PRKACA: variants seen among roughly 807,000 people sequenced by gnomAD.
PRKACA encodes protein kinase cAMP-activated catalytic subunit alpha.
Under a neutral mutation model 45.8 loss-of-function variants are expected in PRKACA, and 9 were observed. The ratio of observed to expected loss-of-function variants is 0.20; its 90% CI spans 0.12 to 0.34. The LOEUF is 0.34. Ranked by LOEUF, PRKACA falls within the 10% of genes least tolerant of loss-of-function variation. PRKACA has a pLI of 1.00. For synonymous variants in PRKACA, 160 were observed against 178.6 expected (o/e 0.90, Z 0.83); for missense variants, 238 against 458.6 (o/e 0.52, Z 4.39).
At chr19:14,098,027 T>C in intron 5 of PRKACA, 137 bp from the exon 6 acceptor site, 1 of 1,089,164 alleles carries the variant, frequency 9.2e-7, no homozygotes, top group Non-Finnish European at 1.3e-6. Flanking sequence ...GATTCTTAGA[T>C]AGCCCGACAT....
chr19:14,103,938 G>A (rs1167688522), intron 3 of PRKACA, among the ~76,000 whole-genome samples: 2 of 152,134 alleles, frequency 1.3e-5, no homozygotes, highest in African/African-American at 4.8e-5. Flanking sequence ...AATTAGCTGG[G>A]CATGGCACGA....
At position 14,103,669 on chromosome 19, in the gene PRKACA, G is replaced by T. The variant is rs548334895; in HGVS notation, c.238-755C>A. On this transcript the variant is annotated intron_variant, in intron 3 of 9. Transcript: ENST00000308677. The stretch of plus-strand genomic sequence containing the variant: ...TCAGAGTCTATACCTGCCCTACCCA[G>T]TTCAGTCCCCATTAGCCACAGGGGG... 7.2e-5 allele frequency among the ~76,000 whole-genome samples: 11 copies of T among 152,322 alleles called. No homozygotes were observed. The South Asian group carries it at 2.3e-3, about 32-fold the overall frequency.
chr19:14,096,853 A>G (rs1977273417), intron 8 of PRKACA: 1 of 214,954 alleles, frequency 4.7e-6, no homozygotes, highest in South Asian at 6.8e-5. Flanking sequence ...GGCACTTTGC[A>G]CCTGTCATAG....
chr19:14,098,144 T>C (rs1219214006), intron 5 of PRKACA: 1 of 436,628 alleles, frequency 2.3e-6, no homozygotes, highest in African/African-American at 2.0e-5. Flanking sequence ...GGACAGCCCA[T>C]GCATCCACTC....
chr19:14,114,240 C>T, intron 1 of PRKACA: 1 of 1,554,582 alleles, frequency 6.4e-7, no homozygotes, highest in East Asian at 2.4e-5. Flanking sequence ...CTGTCTGTCC[C>T]CAGAACCCTG....
At chr19:14,107,939 C>A (rs367744279) in intron 1 of PRKACA, 1 of 986,926 alleles carries the variant, frequency 1.0e-6, no homozygotes, top group Non-Finnish European at 1.2e-6. Flanking sequence ...AGGGAAGTCT[C>A]GCCCGATGCC....
rs562387723 is a variant in PRKACA, at chr19:14,115,865, T to C, written c.46+1637A>G. 3.9e-5 allele frequency among the ~76,000 whole-genome samples: 6 copies of C among 151,960 alleles called. No homozygotes were observed. The South Asian group carries it at 6.2e-4, about 16-fold the overall frequency. Reference sequence around the variant, plus strand: ...CAGCTGGCCTCACCTGCTGGGGGCCTGACTCCTCCCCCCCCGGCCAAGTCC... The same window carrying C: ...CAGCTGGCCTCACCTGCTGGGGGCCCGACTCCTCCCCCCCCGGCCAAGTCC... On this transcript the variant is annotated intron_variant, in intron 1 of 9. Transcript: ENST00000308677.
At chr19:14,095,889 G>A (rs997855731) in intron 8 of PRKACA, among the ~76,000 whole-genome samples, 1 of 151,830 alleles carries the variant, frequency 6.6e-6, no homozygotes, top group Non-Finnish European at 1.5e-5. Flanking sequence ...TTAAAAGACA[G>A]GGTCTGGCTC....
chr19:14,116,665 ACC>A (rs1265218426), intron 1 of PRKACA, among the ~76,000 whole-genome samples: 1 of 151,816 alleles, frequency 6.6e-6, no homozygotes, highest in African/African-American at 2.4e-5. Flanking sequence ...CTCTGCCACC[ACC>A]CCCTTACCCC....
chr19:14,107,592 TG>T, intron 1 of PRKACA, 183 bp from the exon 2 acceptor site: 1 of 1,301,698 alleles, frequency 7.7e-7, no homozygotes, highest in South Asian at 1.5e-5. Flanking sequence ...TACAGAGAGG[TG>T]GGATCCAGCT....
chr19:14,110,545 C>A (rs1568537858), intron 1 of PRKACA, among the ~76,000 whole-genome samples: 1 of 151,734 alleles, frequency 6.6e-6, no homozygotes, highest in Non-Finnish European at 1.5e-5. Context: ...ACACTGCAGG[C>A]TGGGTGACAG....
chr19:14,101,647 G>A (rs1008377691), intron 4 of PRKACA, among the ~76,000 whole-genome samples: 26 of 152,072 alleles, frequency 1.7e-4, no homozygotes, highest in African/African-American at 6.3e-4. Flanking sequence ...GATCACCTGA[G>A]GTCAGGAGTT....
chr19:14,099,330 A>G (rs1163770014), intron 5 of PRKACA, among the ~76,000 whole-genome samples: 1 of 152,194 alleles, frequency 6.6e-6, no homozygotes, highest in Non-Finnish European at 1.5e-5. Flanking sequence ...ATGTAAACTT[A>G]TAAGTTAATA....
At chr19:14,114,088 C>T in intron 1 of PRKACA, 1 of 1,591,246 alleles carries the variant, frequency 6.3e-7, no homozygotes, top group Non-Finnish European at 8.6e-7. Flanking sequence ...ACTTAAGGGG[C>T]AGAGTGTGCC....
At position 14,097,521 on chromosome 19, in the gene PRKACA, C is replaced by T. The variant is rs372040715; in HGVS notation, c.643-38G>A. The T allele has an allele frequency of 1.5e-5, 25 of 1,613,358 alleles. No homozygotes were observed. The African/African-American group carries it at 2.5e-4, about 16-fold the overall frequency. ...GGGGGGGCACAGGGTGAGGAGGAGG[C>T]GAGAGCAGGAGAGCAGAGCCGGCCT... is the stretch of plus-strand genomic sequence containing the variant. On this transcript the variant is annotated intron_variant, in intron 7 of 9. Transcript: ENST00000308677. This position sits in a 1 kb window ranked among gnomAD's most constrained non-coding sequence, Gnocchi z 5.4.
chr19:14,107,448 G>A (rs376104542), intron 1 of PRKACA, 39 bp from the exon 2 acceptor site: 314 of 1,598,076 alleles, frequency 2.0e-4, no homozygotes, highest in Middle Eastern at 3.4e-4. Context: ...AGAGACGCCC[G>A]TCTCACCGGG....
intron 3 of PRKACA, among the ~76,000 whole-genome samples, chr19:14,104,598 A>G (rs913093795): frequency 2.7e-5 from 4 of 149,930 alleles, no homozygotes; most frequent in African/African-American, 9.8e-5. Context: ...CAGGAGGCTG[A>G]GGCAGAAGAA....
chr19:14,096,045 T>G (rs1370213030), intron 8 of PRKACA, among the ~76,000 whole-genome samples: 24 of 145,962 alleles, frequency 1.6e-4, no homozygotes, highest in Admixed American at 5.4e-4. Context: ...TTTTTTTTTT[T>G]TTTTTTTTTT....
intron 8 of PRKACA, chr19:14,096,971 T>C (rs1406304371): frequency 6.1e-5 from 20 of 328,268 alleles, no homozygotes; most frequent in South Asian, 1.5e-4. Context: ...AGGGCAATCC[T>C]GGGTGAGGCT....
Sources: gnomAD v4.1 joint callset for allele counts (sites outside exome capture counted in the v4.1 genomes callset) on GRCh38, gnomAD v4.1.1 for gene constraint, Gnocchi (gnomAD v3.1) non-coding constraint, MANE v1.5 for transcripts, NCBI Gene and HGNC (gene_info 2026-07-23, HGNC 2026-07-21) for gene names.